Variants in HNRNPU observed in about 807,000 individuals in gnomAD.
The protein encoded by HNRNPU is HNRNPU antisense RNA 1.
In HNRNPU, 5 loss-of-function variants were observed where a neutral mutation model predicts 94.7. The observed-to-expected ratio is 0.05, with a 90% CI of 0.03 to 0.11. The LOEUF (loss-of-function observed/expected upper bound fraction) is 0.11. Among genes scored for constraint, HNRNPU ranks in the 10% least tolerant of loss-of-function variants. The pLI is 1.00. For synonymous variants in HNRNPU, 434 were observed against 381.6 expected, an observed-to-expected ratio of 1.14 and a Z score of -1.60; for missense variants, 710 against 1,049.2, an observed-to-expected ratio of 0.68 and a Z score of 4.47.
intron 3 of HNRNPU, chr1:244,860,809 G>A (rs1017302105): frequency 9.8e-6 from 3 of 307,460 alleles, no homozygotes; most frequent in Non-Finnish European, 1.8e-5. Context: ...GAGGATAGCA[G>A]GAAATCAAAG....
In HNRNPU at chr1:244,864,185, C is replaced by G. The variant is rs754272770; in HGVS notation, c.123G>C (p.Ala41=). 6 of 1,608,710 alleles carry G rather than the reference C, an allele frequency of 3.7e-6. No homozygotes were observed. Among genetic ancestry groups the G allele is most frequent in the Non-Finnish European group, 5.1e-6 (6 of 1,177,932 alleles). ...GGCCCCCGGCCTCCTCGTCGTCCAG[C>G]GCAGCCTGGAGTCGCTCCATGAGCT... ...KAELMERLQA[A]LDDEEAGGRP... The change falls in exon 1 of 14, where the codon GCG becomes GCC. Residue 41 remains alanine (A), a synonymous_variant. Coordinates refer to ENST00000640218, the MANE Select transcript of HNRNPU (RefSeq NM_031844.3).
chr1:244,863,361 T>C (rs1680899525), intron 1 of HNRNPU, among the ~76,000 whole-genome samples: 2 of 141,582 alleles, frequency 1.4e-5, no homozygotes, highest in Admixed American at 1.4e-4. Flanking sequence ...TCCCCCCGGC[T>C]CTCGAGCCAC....
intron 4 of HNRNPU, 127 bp downstream of exon 4, chr1:244,860,208 G>A (rs1211115194): frequency 1.5e-6 from 1 of 680,980 alleles, no homozygotes; most frequent in East Asian, 2.9e-5. Context: ...ACTGAAGCAA[G>A]GAGAATCGCT....
chr1:244,854,896 G>C lies in HNRNPU; in HGVS notation c.2424+77C>G, dbSNP rs533154939. On this transcript the variant is annotated intron_variant, in intron 13 of 13. Transcript: ENST00000640218. ...TATAAACACTTCAATCCCTGAACAA[G>C]ATCTTTTTCAAGACTGATAAATCTT... 3.0e-4 allele frequency: 346 copies of C among 1,159,898 alleles called. 4 individuals carry two copies. The South Asian group carries it at 4.0e-3, about 13-fold the overall frequency. The allele number at this position is 1,159,898 out of a possible 1,614,324, so 71.9% of individuals were successfully genotyped here. A position where few individuals can be genotyped will look rare whatever the true frequency, so the allele number is the denominator to read the frequency against.
In HNRNPU at chr1:244,854,421, A is replaced by AT. The variant is rs1558185399; in HGVS notation, c.*28dup. The AT allele has an allele frequency of 6.9e-7, 1 of 1,440,254 alleles. No homozygotes were observed. Among genetic ancestry groups the AT allele is most frequent in the Admixed American group, 1.7e-5 (1 of 59,056 alleles). 89.2% of individuals were successfully genotyped at this position (1,440,254 alleles called of 1,614,324 possible). A position where few individuals can be genotyped will look rare whatever the true frequency, so the allele number is the denominator to read the frequency against. ...GACTTCTTGTGAAGGTTTTGGAGAA[A>AT]TATGTATCAGTTCGTTTTATTTGGG... On this transcript the variant is annotated 3_prime_UTR_variant, in exon 14 of 14. Transcript: ENST00000640218.
intron 3 of HNRNPU, 51 bp from the exon 4 acceptor site, chr1:244,860,525 T>C (rs1680798285): frequency 1.4e-6 from 2 of 1,460,102 alleles, no homozygotes; most frequent in East Asian, 2.3e-5. Context: ...TGTAAACATA[T>C]CTGCTATGTA....
chr1:244,857,482 G>A (rs540197893), intron 8 of HNRNPU, 116 bp downstream of exon 8: 4 of 1,065,508 alleles, frequency 3.8e-6, no homozygotes, highest in Non-Finnish European at 5.4e-6. Flanking sequence ...CCTGACCTCA[G>A]GTGATCCATC....
intron 7 of HNRNPU, 24 bp downstream of exon 7, chr1:244,857,987 G>A: frequency 6.4e-7 from 1 of 1,555,744 alleles, no homozygotes; most frequent in Non-Finnish European, 8.7e-7. Flanking sequence ...AAATGCCACA[G>A]TTAAAAAAAA....
Position 244,863,711 on chromosome 1 carries a change from C to T in HNRNPU, c.597G>A (p.Ala199=). 6.4e-7 allele frequency: 1 copy of T among 1,566,658 alleles called. No homozygotes were observed. The highest frequency in any genetic ancestry group is 8.6e-7 in the Non-Finnish European group (1 of 1,163,646). Reference sequence around the variant, plus strand: ...GCTGGCCCTGCCTCGCCCCGGGCGGCGCCACCGTCACCGCGAACAGCGAGG... The same window carrying T: ...GCTGGCCCTGCCTCGCCCCGGGCGGTGCCACCGTCACCGCGAACAGCGAGG... ...GPTSLFAVTV[A]PPGARQGQQQ... is the part of the protein sequence containing the mutation. The change falls in exon 1 of 14, where the codon GCG becomes GCA. Residue 199 remains alanine, a synonymous_variant. Coordinates refer to ENST00000640218, the MANE Select transcript of HNRNPU (RefSeq NM_031844.3).
intron 3 of HNRNPU, chr1:244,861,700 G>C (rs1053176134): frequency 7.0e-6 from 1 of 142,854 alleles, no homozygotes; most frequent in Non-Finnish European, 1.5e-5. Flanking sequence ...CACACCCAGA[G>C]TTGTACATTC....
chr1:244,856,263 A>G, intron 10 of HNRNPU, 105 bp from the exon 11 acceptor site: 2 of 1,284,414 alleles, frequency 1.6e-6, no homozygotes, highest in Non-Finnish European at 2.1e-6. Flanking sequence ...TCCTAAAAAT[A>G]AAAACAGACC....
In HNRNPU at chr1:244,853,784, C is replaced by T. The variant is rs1175829897; in HGVS notation, c.*666G>A. 2.6e-5 allele frequency: 4 copies of T among 152,636 alleles called. No individual in the cohort carries two copies. Among genetic ancestry groups the T allele is most frequent in the Non-Finnish European group, 2.9e-5 (2 of 67,982 alleles). The allele number at this position is 152,636 out of a possible 1,614,324, so 9.5% of individuals were successfully genotyped here. On this transcript the variant is annotated 3_prime_UTR_variant, in exon 14 of 14. Coordinates refer to ENST00000640218, the MANE Select transcript of HNRNPU (RefSeq NM_031844.3). ...TTTGAGCCTCCACAAATAATGCAAC[C>T]AAGTTTTACATTTTTAACAGCCCTT...
At chr1:244,859,244 T>G in intron 5 of HNRNPU, 31 bp downstream of exon 5, 21 of 1,100,650 alleles carry the variant, frequency 1.9e-5, no homozygotes, top group Non-Finnish European at 2.5e-5. Context: ...TGAACATTCA[T>G]GAGCCCACAT....
At chr1:244,862,205 T>C (rs540394119) in intron 3 of HNRNPU, 2 of 378,606 alleles carry the variant, frequency 5.3e-6, no homozygotes, top group South Asian at 6.4e-5. Context: ...TGGCATTAAT[T>C]TTACATTTCC....
chr1:244,856,348 G>T (rs1322551118), intron 10 of HNRNPU, 109 bp downstream of exon 10: 1 of 1,260,818 alleles, frequency 7.9e-7, no homozygotes, highest in African/African-American at 1.5e-5. Context: ...TTAACTTTCA[G>T]GAGGCCTAAG....
intron 7 of HNRNPU, 57 bp from the exon 8 acceptor site, chr1:244,857,774 T>C: frequency 6.4e-7 from 1 of 1,570,360 alleles, no homozygotes; most frequent in South Asian, 1.2e-5. Context: ...CTAATAATTC[T>C]TTAAATATTG....
At chr1:244,856,255 C>T in intron 10 of HNRNPU, 97 bp from the exon 11 acceptor site, 2 of 1,343,668 alleles carry the variant, frequency 1.5e-6, no homozygotes, top group Non-Finnish European at 2.0e-6. Context: ...ACATATTTTC[C>T]TAAAAATAAA....
At position 244,863,630 on chromosome 1, in the gene HNRNPU, C is replaced by T; in HGVS notation, c.678G>A (p.Gly226=). The part of the protein sequence containing the change: ...AEGGGGGGRP[G]APAAGDGKTE... The stretch of plus-strand genomic sequence containing the variant: ...CGCAGCACTCACCCGCCGCCGGAGC[C>T]CCGGGGCGACCGCCGCCTCCGCCGC... Residue 226 remains glycine, a synonymous_variant, in exon 1 of 14, where the codon GGG becomes GGA. Transcript: ENST00000640218. 6.5e-7 allele frequency: 1 copy of T among 1,539,742 alleles called. No individual in the cohort carries two copies. Among genetic ancestry groups the T allele is most frequent in the Non-Finnish European group, 8.6e-7 (1 of 1,156,526 alleles).
rs1346305639 is a variant in HNRNPU, at chr1:244,853,639, A to G, written c.*811T>C. The G allele has an allele frequency of 1.3e-5, 2 of 152,628 alleles. No individual in the cohort carries two copies. Among genetic ancestry groups the G allele is most frequent in the Non-Finnish European group, 2.9e-5 (2 of 67,994 alleles). The allele number at this position is 152,628 out of a possible 1,614,324, so 9.5% of individuals were successfully genotyped here. The stretch of plus-strand genomic sequence containing the variant: ...TACAGACATGGCTAACTTCATATAG[A>G]TCCCATTAGACAACTGGATTTACAA... On this transcript the variant is annotated 3_prime_UTR_variant, in exon 14 of 14. Coordinates refer to ENST00000640218, the MANE Select transcript of HNRNPU (RefSeq NM_031844.3).
Sources: allele counts gnomAD v4.1 joint callset (sites outside exome capture counted in the v4.1 genomes callset), GRCh38; gene constraint gnomAD v4.1.1; transcripts MANE v1.5; gene names NCBI Gene and HGNC (gene_info 2026-07-23, HGNC 2026-07-21).